Variants in SHTN1 observed in about 807,000 individuals in gnomAD.
SHTN1 encodes shootin-1.
SHTN1 carries 42 observed loss-of-function variants against 83.1 expected under a neutral mutation model. The observed-to-expected ratio is 0.51, with a 90% CI of 0.39 to 0.65. SHTN1 has a LOEUF of 0.65. Among genes scored for constraint, SHTN1 ranks in the 30% least tolerant of loss-of-function variants. The pLI is 0.00. For missense variants in SHTN1, 622 were observed against 737.8 expected, an observed-to-expected ratio of 0.84 and a Z score of 1.82; for synonymous variants, 224 against 247.7, an observed-to-expected ratio of 0.90 and a Z score of 0.90.
At chr10:117,088,349 G>T (rs1853380651) in intron 1 of SHTN1, among the ~76,000 whole-genome samples, 1 of 152,120 alleles carries the variant, frequency 6.6e-6, no homozygotes, top group East Asian at 1.9e-4. Flanking sequence ...ATTTAGAAAT[G>T]TTTTGTTATA....
intron 1 of SHTN1, among the ~76,000 whole-genome samples, chr10:116,994,468 T>C (rs1374623839): frequency 6.6e-6 from 1 of 151,946 alleles, no homozygotes; most frequent in East Asian, 1.9e-4. Flanking sequence ...CAAGAGAAAA[T>C]AAAAGATTTT....
At chr10:117,006,912 A>G (rs1157133010), upstream of SHTN1, among the ~76,000 whole-genome samples, 4 of 149,696 alleles carry the variant, frequency 2.7e-5, no homozygotes, top group Non-Finnish European at 4.5e-5. Context: ...TAAAATTTTG[A>G]AAAAAAAAAT....
chr10:117,008,542 C>A (rs1852054639), upstream of SHTN1, among the ~76,000 whole-genome samples: 1 of 152,046 alleles, frequency 6.6e-6, no homozygotes, highest in South Asian at 2.1e-4. Context: ...ATATATGGTA[C>A]AACACAGATG....
intron 16 of SHTN1, among the ~76,000 whole-genome samples, chr10:116,898,436 T>G (rs1564864497): frequency 6.6e-6 from 1 of 152,148 alleles, no homozygotes; most frequent in Non-Finnish European, 1.5e-5. Context: ...TTATCAGATT[T>G]AATCTTAATC....
At position 116,927,769 on chromosome 10, in the gene SHTN1, G is replaced by T. The variant is rs372037739; in HGVS notation, c.1112+23C>A. 9 of 1,519,588 alleles carry T rather than the reference G, an allele frequency of 5.9e-6. No individual in the cohort carries two copies. In the African/African-American group the frequency reaches 1.3e-4, roughly 22 times the overall value. 94.1% of individuals were successfully genotyped at this position (1,519,588 alleles called of 1,614,324 possible). The stretch of plus-strand genomic sequence containing the variant: ...GATGGAGAAGAACATTTGATGCAGA[G>T]CAGTCTTCCTGGATGTGCTTACCGG... On this transcript the variant is annotated intron_variant, in intron 11 of 16. Transcript: ENST00000355371.
At chr10:116,901,615 T>C in intron 16 of SHTN1, 150 bp downstream of exon 16, 4 of 1,359,808 alleles carry the variant, frequency 2.9e-6, no homozygotes, top group Non-Finnish European at 3.8e-6. Context: ...GAGCCTAGAA[T>C]GAAAAAGCTG....
chr10:117,037,627 A>G (rs1345403920), intron 2 of SHTN1, among the ~76,000 whole-genome samples: 2 of 152,204 alleles, frequency 1.3e-5, no homozygotes, highest in Non-Finnish European at 2.9e-5. Flanking sequence ...CGCAGTTGGA[A>G]GACTGACACT....
At chr10:117,039,974 T>C (rs1852560312) in intron 2 of SHTN1, among the ~76,000 whole-genome samples, 1 of 151,706 alleles carries the variant, frequency 6.6e-6, no homozygotes, top group Admixed American at 6.6e-5. Context: ...CTCTGAAAAA[T>C]AGTCTACTAA....
intron 1 of SHTN1, among the ~76,000 whole-genome samples, chr10:117,102,627 T>C (rs533012213): frequency 6.6e-6 from 1 of 152,016 alleles, no homozygotes; most frequent in East Asian, 1.9e-4. Context: ...CTCAGATATT[T>C]TGGCAATTTT....
intron 1 of SHTN1, among the ~76,000 whole-genome samples, chr10:117,056,619 G>A (rs892917250): frequency 6.6e-6 from 1 of 152,098 alleles, no homozygotes; most frequent in African/African-American, 2.4e-5. Flanking sequence ...AGATCATCCT[G>A]GCTAACACTG....
chr10:117,100,118 G>A (rs7087662), intron 1 of SHTN1, among the ~76,000 whole-genome samples: 98,524 of 151,974 alleles, frequency 0.65, 35,936 homozygotes, highest in Middle Eastern at 0.84. Flanking sequence ...TGGAGGTTGC[G>A]GTGAGCCGAG....
At chr10:117,104,971 C>T (rs1157255327) in intron 1 of SHTN1, among the ~76,000 whole-genome samples, 1 of 151,810 alleles carries the variant, frequency 6.6e-6, no homozygotes, top group Admixed American at 6.6e-5. Context: ...TCTAGCCCCA[C>T]AGCCACCATC....
chr10:117,031,507 G>A (rs956096079), intron 2 of SHTN1, among the ~76,000 whole-genome samples: 1 of 152,048 alleles, frequency 6.6e-6, no homozygotes, highest in African/African-American at 2.4e-5. Flanking sequence ...CTAGTAAAAC[G>A]ACTAAATGAT....
At chr10:116,969,359 T>A (rs1413900330) in intron 2 of SHTN1, among the ~76,000 whole-genome samples, 4 of 152,112 alleles carry the variant, frequency 2.6e-5, no homozygotes, top group Non-Finnish European at 5.9e-5. Context: ...GAGAATTGCT[T>A]CAACCTGGGA....
intron 1 of SHTN1, among the ~76,000 whole-genome samples, chr10:117,069,107 C>A (rs992817592): frequency 6.6e-6 from 1 of 152,038 alleles, no homozygotes; most frequent in Non-Finnish European, 1.5e-5. Context: ...GAAAACTCTG[C>A]TGCAAAAGTA....
chr10:116,907,005 G>C (rs1035552176), intron 14 of SHTN1, among the ~76,000 whole-genome samples: 1 of 152,174 alleles, frequency 6.6e-6, no homozygotes, highest in African/African-American at 2.4e-5. Flanking sequence ...TTCTGGAAGA[G>C]GTGACTATAT....
chr10:116,887,343 C>A lies in SHTN1; in HGVS notation c.1674-777G>T, dbSNP rs191657946. ...TATGGGAACAGATATCTCTGAAACACCCGAAGGTTCAGGCTGCTGAGCTGC... is the reference window on the plus strand; with the variant it reads ...TATGGGAACAGATATCTCTGAAACAACCGAAGGTTCAGGCTGCTGAGCTGC... On this transcript the variant is annotated intron_variant, in intron 16 of 16. Transcript: ENST00000355371. Among the ~76,000 whole-genome samples, 297 of 152,276 alleles carry A rather than the reference C, an allele frequency of 2.0e-3. 1 individual carries two copies. The highest frequency in any genetic ancestry group is 3.4e-3 in the Middle Eastern group (1 of 294).
chr10:117,047,758 CA>C lies in SHTN1; in HGVS notation c.-123+686del, dbSNP rs11411347. On this transcript the variant is annotated intron_variant, in intron 2 of 17. Coordinates refer to the SHTN1 transcript ENST00000392901. The stretch of plus-strand genomic sequence containing the variant: ...AAAGCATACACAAATACATAAAGAC[CA>C]AAAAAAAAAAAAAGTCTCTCTTTTT... Among the ~76,000 whole-genome samples, 1,108 of 138,200 alleles carry C rather than the reference CA, an allele frequency of 8.0e-3. 19 individuals are homozygous for C. Among genetic ancestry groups the C allele is most frequent in the African/African-American group, 0.025 (909 of 36,842 alleles). The allele number at this position is 138,200 out of a possible 152,430, so 90.7% of individuals were successfully genotyped here.
At chr10:117,042,384 C>T (rs1049134973) in intron 2 of SHTN1, among the ~76,000 whole-genome samples, 4 of 152,168 alleles carry the variant, frequency 2.6e-5, no homozygotes, top group East Asian at 3.9e-4. Context: ...TTCTCCTTAT[C>T]CTCCTTCTGC....
Sources: allele counts gnomAD v4.1 joint callset (sites outside exome capture counted in the v4.1 genomes callset), GRCh38; gene constraint gnomAD v4.1.1; transcripts MANE v1.5; gene names NCBI Gene and HGNC (gene_info 2026-07-23, HGNC 2026-07-21).